Variants in STIM1 observed in about 807,000 individuals in gnomAD.
STIM1 encodes stromal interaction molecule 1.
STIM1 carries 25 observed loss-of-function variants against 74.7 expected under a neutral mutation model. That is an observed-to-expected ratio of 0.33 (90% confidence interval 0.24 to 0.47). STIM1 has a LOEUF of 0.47. Among genes scored for constraint, STIM1 ranks in the 20% least tolerant of loss-of-function variants. STIM1 has a pLI of 1.00. For missense variants in STIM1, 728 were observed against 920.8 expected (o/e 0.79, Z 2.71); for synonymous variants, 328 against 348.8 (o/e 0.94, Z 0.66).
chr11:3,862,031 G>A (rs750704333), intron 1 of STIM1, among the ~76,000 whole-genome samples: 1 of 152,078 alleles, frequency 6.6e-6, no homozygotes. Flanking sequence ...TTTGGTTGTT[G>A]TCAGGCTTTT....
At position 4,087,101 on chromosome 11, in the gene STIM1, T is replaced by A. The variant is rs1435046500; in HGVS notation, c.1634+558T>A. Reference sequence around the variant, plus strand: ...ACGACTTTCTTCCCTCATGACCCTATAGCACTTTTGCCTAAACTATGCACT... The same window carrying A: ...ACGACTTTCTTCCCTCATGACCCTAAAGCACTTTTGCCTAAACTATGCACT... On this transcript the variant is annotated intron_variant, in intron 12 of 12. Transcript: ENST00000526596. Among the ~76,000 whole-genome samples, 3 of 152,188 alleles carry A rather than the reference T, an allele frequency of 2.0e-5. No individual in the cohort carries two copies. The East Asian group carries it at 5.8e-4, about 29-fold the overall frequency.
chr11:3,914,055 A>G (rs2092605954), intron 1 of STIM1, among the ~76,000 whole-genome samples: 1 of 152,140 alleles, frequency 6.6e-6, no homozygotes, highest in Non-Finnish European at 1.5e-5. Flanking sequence ...GTATTGTGCA[A>G]CTTTCACCAC....
At chr11:3,899,869 A>G (rs2092300854) in intron 1 of STIM1, among the ~76,000 whole-genome samples, 1 of 151,890 alleles carries the variant, frequency 6.6e-6, no homozygotes, top group Non-Finnish European at 1.5e-5. Context: ...GATGAAGCCC[A>G]CTTGATCATG....
At chr11:4,005,957 A>G (rs1039577196) in intron 2 of STIM1, among the ~76,000 whole-genome samples, 1 of 152,194 alleles carries the variant, frequency 6.6e-6, no homozygotes, top group Non-Finnish European at 1.5e-5. Flanking sequence ...CTTCCTTGCT[A>G]GATGTTCAAG....
At chr11:4,079,656 A>G (rs901612875) in intron 7 of STIM1, among the ~76,000 whole-genome samples, 1 of 152,242 alleles carries the variant, frequency 6.6e-6, no homozygotes, top group African/African-American at 2.4e-5. Flanking sequence ...CAAAATAAAA[A>G]CAATTTTGAA....
intron 2 of STIM1, chr11:3,989,156 A>G: frequency 8.0e-7 from 1 of 1,248,308 alleles, no homozygotes; most frequent in Non-Finnish European, 1.2e-6. Flanking sequence ...GATGTGTGGT[A>G]TTATTCAGAC....
intron 1 of STIM1, among the ~76,000 whole-genome samples, chr11:3,958,798 C>T (rs1038020032): frequency 1.3e-5 from 2 of 151,900 alleles, no homozygotes; most frequent in Non-Finnish European, 2.9e-5. Flanking sequence ...GGTGAAACCC[C>T]GTCTGTACTA....
chr11:3,946,472 AG>A (rs2093075180), intron 1 of STIM1, among the ~76,000 whole-genome samples: 1 of 152,154 alleles, frequency 6.6e-6, no homozygotes, highest in Non-Finnish European at 1.5e-5. Flanking sequence ...TATTTGGCCT[AG>A]GACAAAGAAA....
intron 1 of STIM1, among the ~76,000 whole-genome samples, chr11:3,941,875 G>A (rs1418140682): frequency 6.6e-6 from 1 of 151,748 alleles, no homozygotes; most frequent in Non-Finnish European, 1.5e-5. Context: ...TGTAGAGAGA[G>A]GGTCTTATGT....
intron 3 of STIM1, 123 bp from the exon 4 acceptor site, chr11:4,055,403 G>GTA: frequency 1.3e-6 from 1 of 759,930 alleles, no homozygotes; most frequent in South Asian, 1.5e-5. Flanking sequence ...TTCATACTTA[G>GTA]TATTTTATGG....
At chr11:3,958,638 A>G (rs2093247551) in intron 1 of STIM1, among the ~76,000 whole-genome samples, 1 of 152,066 alleles carries the variant, frequency 6.6e-6, no homozygotes, top group Non-Finnish European at 1.5e-5. Context: ...CCTTTCTTGG[A>G]TAACTCCAGG....
chr11:3,952,502 C>G (rs1255673614), intron 1 of STIM1, among the ~76,000 whole-genome samples: 1 of 150,184 alleles, frequency 6.7e-6, no homozygotes, highest in African/African-American at 2.5e-5. Flanking sequence ...TTTCAAAAGA[C>G]TTGACTGATT....
intron 2 of STIM1, among the ~76,000 whole-genome samples, chr11:3,991,684 C>T (rs2093612606): frequency 6.6e-6 from 1 of 151,566 alleles, no homozygotes; most frequent in African/African-American, 2.4e-5. Context: ...CGCGGTGGCT[C>T]ACGCCTGTAA....
intron 1 of STIM1, among the ~76,000 whole-genome samples, chr11:3,914,477 CT>C (rs1189542953): frequency 6.6e-6 from 1 of 152,190 alleles, no homozygotes; most frequent in Non-Finnish European, 1.5e-5. Context: ...GAGTCTCACT[CT>C]GTCGCCAGGC....
intron 1 of STIM1, among the ~76,000 whole-genome samples, chr11:3,913,015 G>T (rs1446485791): frequency 6.6e-6 from 1 of 152,160 alleles, no homozygotes. Context: ...GCCTCATTTT[G>T]AGTGAGAATG....
intron 1 of STIM1, among the ~76,000 whole-genome samples, chr11:3,863,799 T>C (rs1448190831): frequency 2.0e-5 from 3 of 152,166 alleles, no homozygotes; most frequent in Non-Finnish European, 2.9e-5. Flanking sequence ...CAAGTAATCC[T>C]TATTTTACTT....
At position 4,082,889 on chromosome 11, in the gene STIM1, A is replaced by G. The variant is rs2094472790; in HGVS notation, c.1145A>G (p.Lys382Arg). 1 of 1,613,962 alleles carries G rather than the reference A, an allele frequency of 6.2e-7. No homozygotes were observed. The highest frequency in any genetic ancestry group is 1.7e-5 in the Admixed American group (1 of 60,008). ...GGGGCCTCATCTTTGCAGGCTGAGA[A>G]GATAAAAAAGAAGAGAAACACACTC... The part of the protein sequence containing the change: ...QLLVAKEGAE[K>R]IKKKRNTLFG... Residue 382 changes from lysine to arginine, a missense_variant, in exon 9 of 13, where the codon AAG becomes AGG. This residue lies in a region of STIM1 where 131 missense variants were observed against 235.9 expected (regional missense o/e 0.56). Coordinates refer to ENST00000526596, the MANE Select transcript of STIM1 (RefSeq NM_001382567.1).
chr11:4,006,525 C>T (rs908050226), intron 2 of STIM1, among the ~76,000 whole-genome samples: 3 of 152,202 alleles, frequency 2.0e-5, no homozygotes, highest in Non-Finnish European at 2.9e-5. Flanking sequence ...AGCGATTCTC[C>T]TTCCTCACCC....
intron 1 of STIM1, chr11:3,892,912 A>G (rs1186464755): frequency 1.5e-6 from 2 of 1,294,576 alleles, no homozygotes; most frequent in Non-Finnish European, 2.2e-6. Context: ...GGCTCCCGGC[A>G]GCAGCAGCAT....
Sources: allele counts gnomAD v4.1 joint callset (sites outside exome capture counted in the v4.1 genomes callset), GRCh38; gene constraint gnomAD v4.1.1; regional missense constraint gnomAD v4.1.1; transcripts MANE v1.5; gene names NCBI Gene and HGNC (gene_info 2026-07-23, HGNC 2026-07-21).